FER: variants seen among roughly 807,000 people sequenced by gnomAD.
The protein encoded by FER is FER tyrosine kinase.
Under a neutral mutation model 111.0 loss-of-function variants are expected in FER, and 63 were observed. The ratio of observed to expected loss-of-function variants is 0.57; its 90% CI spans 0.46 to 0.70. FER has a LOEUF of 0.70. Among genes scored for constraint, FER ranks in the 30% least tolerant of loss-of-function variants. The pLI is 0.00. For synonymous variants in FER, 327 were observed against 313.9 expected, an observed-to-expected ratio of 1.04 and a Z score of -0.44; for missense variants, 914 against 954.0, an observed-to-expected ratio of 0.96 and a Z score of 0.55.
chr5:109,008,058 T>G (rs1765723406), intron 13 of FER, among the ~76,000 whole-genome samples: 1 of 152,210 alleles, frequency 6.6e-6, no homozygotes, highest in Non-Finnish European at 1.5e-5. Flanking sequence ...ATGTGGTTAT[T>G]TGTGATCTGT....
intron 11 of FER, among the ~76,000 whole-genome samples, chr5:108,948,397 G>C (rs1757294236): frequency 6.6e-6 from 1 of 152,024 alleles, no homozygotes; most frequent in Non-Finnish European, 1.5e-5. Flanking sequence ...ATTTTAATAT[G>C]TTATATCAGC....
At chr5:109,072,445 G>T (rs1775877880) in intron 16 of FER, among the ~76,000 whole-genome samples, 1 of 151,268 alleles carries the variant, frequency 6.6e-6, no homozygotes, top group Non-Finnish European at 1.5e-5. Flanking sequence ...AATCCCTCTG[G>T]GTTTGTTCCC....
chr5:109,135,752 C>T (rs917275298), intron 17 of FER, among the ~76,000 whole-genome samples: 2 of 152,166 alleles, frequency 1.3e-5, no homozygotes, highest in South Asian at 4.1e-4. Flanking sequence ...TACCCTTTGA[C>T]CTTATTCCTT....
chr5:108,985,884 G>C (rs544324671), intron 13 of FER, among the ~76,000 whole-genome samples: 80 of 152,254 alleles, frequency 5.3e-4, no homozygotes, highest in African/African-American at 1.7e-3. Flanking sequence ...TGCAAATTGT[G>C]CTCCTGTAGA....
At chr5:108,795,444 C>A (rs144235708) in intron 2 of FER, among the ~76,000 whole-genome samples, 76 of 134,052 alleles carry the variant, frequency 5.7e-4, no homozygotes, top group African/African-American at 2.1e-3. Context: ...CCACTGTACT[C>A]CAACCTGGGA....
intron 13 of FER, among the ~76,000 whole-genome samples, chr5:109,012,578 C>T (rs1766431354): frequency 6.6e-6 from 1 of 152,108 alleles, no homozygotes; most frequent in South Asian, 2.1e-4. Context: ...TCCATAAAGC[C>T]TTTCCAAAAA....
intron 3 of FER, among the ~76,000 whole-genome samples, chr5:108,807,338 T>G (rs1220093452): frequency 6.6e-6 from 1 of 152,214 alleles, no homozygotes; most frequent in Non-Finnish European, 1.5e-5. Flanking sequence ...AATATATTCC[T>G]GATTCAATCT....
intron 10 of FER, among the ~76,000 whole-genome samples, chr5:108,908,942 G>A (rs186645538): frequency 7.2e-5 from 11 of 152,092 alleles, no homozygotes; most frequent in Admixed American, 7.2e-4. Flanking sequence ...AAGGTGGGAC[G>A]ATGGCTTGAG....
intron 10 of FER, among the ~76,000 whole-genome samples, chr5:108,899,235 A>G (rs957067890): frequency 2.6e-5 from 4 of 152,180 alleles, no homozygotes; most frequent in African/African-American, 9.6e-5. Context: ...ATATTAATCT[A>G]CACATCACTT....
intron 17 of FER, among the ~76,000 whole-genome samples, chr5:109,139,338 C>G (rs893674188): frequency 1.6e-5 from 2 of 123,102 alleles, no homozygotes; most frequent in African/African-American, 6.4e-5. Context: ...CTTTACTTCT[C>G]CTTCTTTCTT....
At chr5:108,925,415 G>A (rs1242502017) in intron 10 of FER, among the ~76,000 whole-genome samples, 1 of 151,832 alleles carries the variant, frequency 6.6e-6, no homozygotes, top group Non-Finnish European at 1.5e-5. Flanking sequence ...TAGGAACTTG[G>A]AATACACTAA....
chr5:109,118,240 C>T (rs559492304), intron 17 of FER, among the ~76,000 whole-genome samples: 1 of 152,090 alleles, frequency 6.6e-6, no homozygotes, highest in African/African-American at 2.4e-5. Context: ...TGTCAAAGGC[C>T]TTTTCTTCAT....
At chr5:109,082,402 A>T (rs984829751) in intron 16 of FER, among the ~76,000 whole-genome samples, 4 of 152,020 alleles carry the variant, frequency 2.6e-5, no homozygotes, top group African/African-American at 9.7e-5. Flanking sequence ...CTATACCTGG[A>T]AAACTGCTAT....
intron 13 of FER, among the ~76,000 whole-genome samples, chr5:108,978,106 A>G (rs1304568169): frequency 6.6e-6 from 1 of 152,134 alleles, no homozygotes; most frequent in Non-Finnish European, 1.5e-5. Flanking sequence ...TTGGTCTCCT[A>G]AAGTGCTGGT....
Position 109,180,208 on chromosome 5 carries a change from A to T in FER, c.2049-539A>T, listed in dbSNP as rs143175806. On this transcript the variant is annotated intron_variant, in intron 17 of 19. Transcript: ENST00000281092. ...AGATGCAGCAGAAAAAGAGTTGCCA[A>T]ACTCTCTGGTACCTCAGCCACTTTC... Among the ~76,000 whole-genome samples the T allele has an allele frequency of 2.0e-5, 3 of 152,324 alleles. 1 individual carries two copies. The South Asian group carries it at 6.2e-4, about 32-fold the overall frequency.
At chr5:109,050,307 C>T (rs1772603128) in intron 16 of FER, among the ~76,000 whole-genome samples, 1 of 152,084 alleles carries the variant, frequency 6.6e-6, no homozygotes. Context: ...TTACTTGCCA[C>T]AGCAGGAATT....
intron 17 of FER, among the ~76,000 whole-genome samples, chr5:109,148,077 T>C (rs1754436349): frequency 6.6e-6 from 1 of 152,026 alleles, no homozygotes; most frequent in Non-Finnish European, 1.5e-5. Context: ...AAGTATGTAG[T>C]AGGGGCATCT....
chr5:108,929,642 CA>C (rs1254050374), intron 10 of FER, among the ~76,000 whole-genome samples: 1 of 151,550 alleles, frequency 6.6e-6, no homozygotes, highest in Non-Finnish European at 1.5e-5. Context: ...GTCTGGCTAT[CA>C]AGAAATGAAT....
intron 5 of FER, among the ~76,000 whole-genome samples, chr5:108,852,872 T>C (rs1762660110): frequency 6.6e-6 from 1 of 152,184 alleles, no homozygotes; most frequent in Non-Finnish European, 1.5e-5. Flanking sequence ...GAATGACAGC[T>C]ATAATAATCT....
Sources: gnomAD v4.1 joint callset for allele counts (sites outside exome capture counted in the v4.1 genomes callset) on GRCh38, gnomAD v4.1.1 for gene constraint, MANE v1.5 for transcripts, NCBI Gene and HGNC (gene_info 2026-07-23, HGNC 2026-07-21) for gene names.